Variants in MSANTD1 observed in about 807,000 individuals in gnomAD.
MSANTD1 encodes myb/SANT-like DNA-binding domain-containing protein 1.
A neutral mutation model predicts 24.2 loss-of-function variants in MSANTD1; 7 were observed. The ratio of observed to expected loss-of-function variants is 0.29; its 90% CI spans 0.16 to 0.54. The LOEUF (loss-of-function observed/expected upper bound fraction) is 0.54, where lower values mean the gene tolerates loss of function less well. Ranked by LOEUF, MSANTD1 falls within the 20% of genes least tolerant of loss-of-function variation. The probability of loss-of-function intolerance (pLI) is 0.94; values close to 1 mark genes in which losing one functional copy is unlikely to be tolerated. For synonymous variants in MSANTD1, 177 were observed against 181.1 expected, an observed-to-expected ratio of 0.98 and a Z score of 0.18; for missense variants, 384 against 408.2, an observed-to-expected ratio of 0.94 and a Z score of 0.51.
chr4:3,249,915 C>T (rs376442578), intron 1 of MSANTD1, among the ~76,000 whole-genome samples: 42 of 152,344 alleles, frequency 2.8e-4, no homozygotes, highest in Middle Eastern at 6.8e-3. Context: ...TGACCTCACA[C>T]CCTGCTCCCC....
chr4:3,253,142 C>A, intron 1 of MSANTD1, 65 bp from the exon 2 acceptor site: 1 of 1,441,172 alleles, frequency 6.9e-7, no homozygotes, highest in Non-Finnish European at 9.2e-7. Flanking sequence ...TCTGCTGAGG[C>A]TGGGCAGGAC....
rs1269269235 is a variant in MSANTD1, at chr4:3,255,851, C to T, written c.723C>T (p.Cys241=). ...TGAGCCGCGCCGTGGAGGAGACCTG[C>T]CGCGAGGTGCGCCGCGTGCTGGACC... ...RRLSRAVEET[C]REVRRVLDQQ... The change falls in exon 3 of 3, where the codon TGC becomes TGT. Residue 241 remains cysteine, a synonymous_variant. Coordinates refer to ENST00000438480, the MANE Select transcript of MSANTD1 (RefSeq NM_001042690.2). 1.3e-6 allele frequency: 2 copies of T among 1,545,262 alleles called. No individual in the cohort carries two copies. The highest frequency in any genetic ancestry group is 2.4e-5 in the South Asian group (2 of 83,952).
intron 1 of MSANTD1, among the ~76,000 whole-genome samples, chr4:3,251,909 C>T (rs1029577402): frequency 1.3e-5 from 2 of 152,272 alleles, no homozygotes; most frequent in East Asian, 1.9e-4. Context: ...GGGCACCCAG[C>T]GCCTGCCCTC....
In MSANTD1 at chr4:3,253,370, C is replaced by T; in HGVS notation, c.484C>T (p.Pro162Ser). 1 of 1,611,324 alleles carries T rather than the reference C, an allele frequency of 6.2e-7. No individual in the cohort carries two copies. Among genetic ancestry groups the T allele is most frequent in the Non-Finnish European group, 8.5e-7 (1 of 1,178,888 alleles). Residue 162 changes from proline (P) to serine (S), a missense_variant, in exon 2 of 3, where the codon CCG (proline) becomes TCG (serine). Pro to Ser is a moderately conservative substitution (Grantham distance 74, BLOSUM62 -1). Coordinates refer to ENST00000438480, the MANE Select transcript of MSANTD1 (RefSeq NM_001042690.2). ...GTCCCAGACCGAGGCGTCCCTGTCG[C>T]CGCCCGCTAAGTCCACCCCTCTGTA... is the stretch of plus-strand genomic sequence containing the variant. ...STSQTEASLS[P>S]PAKSTPLYFP...
intron 1 of MSANTD1, among the ~76,000 whole-genome samples, chr4:3,250,402 C>T (rs752563688): frequency 2.0e-5 from 3 of 152,166 alleles, no homozygotes; most frequent in Non-Finnish European, 1.5e-5. Flanking sequence ...TCTTAAAGTG[C>T]GTGGGTCCCC....
Position 3,249,232 on chromosome 4 carries a change from GGGGCC to G in MSANTD1, c.19_23del (p.Pro7AlafsTer107). ...GCGGCGCCTCCCGCCCATGGTGCGT[GGGGCC>G]GGGCCGGGGCCCTCGCTGAGCGCGC... On this transcript the variant is annotated frameshift_variant, in exon 1 of 3. Transcript: ENST00000438480. LOFTEE classifies it high-confidence loss of function. 7.1e-7 allele frequency: 1 copy of G among 1,413,738 alleles called. No homozygotes were observed. The highest frequency in any genetic ancestry group is 9.2e-7 in the Non-Finnish European group (1 of 1,085,532). The allele number at this position is 1,413,738 out of a possible 1,614,324, so 87.6% of individuals were successfully genotyped here.
chr4:3,246,528 A>C, upstream of MSANTD1: 1 of 553,446 alleles, frequency 1.8e-6, no homozygotes, highest in Non-Finnish European at 3.2e-6. Flanking sequence ...GGCCCCGCCC[A>C]TGTCCCAGGT....
upstream of MSANTD1, chr4:3,246,787 G>A (rs948875189): frequency 4.5e-5 from 27 of 595,454 alleles, no homozygotes; most frequent in Middle Eastern, 7.8e-4. Flanking sequence ...TTGGAGGTCA[G>A]TGTGAGGGCT....
At chr4:3,250,816 C>T (rs1440751431) in intron 1 of MSANTD1, among the ~76,000 whole-genome samples, 1 of 152,200 alleles carries the variant, frequency 6.6e-6, no homozygotes, top group African/African-American at 2.4e-5. Context: ...ACCCCCACTG[C>T]CCCCCTCAGG....
chr4:3,244,355 C>T (rs1307768259), upstream of MSANTD1: 1 of 152,314 alleles, frequency 6.6e-6, no homozygotes, highest in African/African-American at 2.4e-5. Flanking sequence ...TGAAGCAGGT[C>T]ATCAGGCCCA....
chr4:3,252,067 A>G (rs1325544623), intron 1 of MSANTD1, among the ~76,000 whole-genome samples: 2 of 152,256 alleles, frequency 1.3e-5, no homozygotes, highest in East Asian at 1.9e-4. Flanking sequence ...CCTGGCAGGT[A>G]GCAAGAGTAG....
chr4:3,253,567 G>A, intron 2 of MSANTD1, 85 bp downstream of exon 2: 3 of 1,352,680 alleles, frequency 2.2e-6, no homozygotes, highest in Non-Finnish European at 1.9e-6. Flanking sequence ...GGCAAGGCCG[G>A]CGGCGGCGGC....
At position 3,249,261 on chromosome 4, in the gene MSANTD1, GCT is replaced by G. The variant is rs1374331797; in HGVS notation, c.45_46del (p.His16ProfsTer99). On this transcript the variant is annotated frameshift_variant, in exon 1 of 3. Transcript: ENST00000438480. LOFTEE classifies it high-confidence loss of function. ...GAGPGPSLSA[L>X]SHPTGASGMA... The stretch of plus-strand genomic sequence containing the variant: ...CCGGGCCGGGGCCCTCGCTGAGCGC[GCT>G]CTCTCACCCCACAGGCGCCTCCGGC... The G allele has an allele frequency of 6.8e-7, 1 of 1,481,292 alleles. No individual in the cohort carries two copies. Among genetic ancestry groups the G allele is most frequent in the South Asian group, 1.3e-5 (1 of 75,196 alleles). 91.8% of individuals were successfully genotyped at this position (1,481,292 alleles called of 1,614,324 possible).
intron 2 of MSANTD1, among the ~76,000 whole-genome samples, chr4:3,254,405 T>TGA (rs1250315521): frequency 1.2e-4 from 18 of 152,224 alleles, no homozygotes; most frequent in Non-Finnish European, 2.1e-4. Flanking sequence ...GCAGGAGGCC[T>TGA]GAGATTTGTG....
In MSANTD1 at chr4:3,256,265, A is replaced by C. The variant is rs568728596; in HGVS notation, c.*300A>C. The C allele has an allele frequency of 2.2e-5, 6 of 272,040 alleles. No homozygotes were observed. Among genetic ancestry groups the C allele is most frequent in the Admixed American group, 2.1e-4 (4 of 18,768 alleles). 16.9% of individuals were successfully genotyped at this position (272,040 alleles called of 1,614,324 possible). ...CTCTCCAGTGTCGTTACTATCAATG[A>C]TACTTGACGTGGCTTTGATATTAAA... is the stretch of plus-strand genomic sequence containing the variant. On this transcript the variant is annotated 3_prime_UTR_variant, in exon 3 of 3. Transcript: ENST00000438480.
Position 3,256,056 on chromosome 4 carries a change from GGCC to G in MSANTD1, c.*95_*97del. The stretch of plus-strand genomic sequence containing the variant: ...GCCACTCAGGCCAGGCGGGCAAGGG[GGCC>G]GCCCCGCGAGCGGAGACCGCCTTCC... On this transcript the variant is annotated 3_prime_UTR_variant, in exon 3 of 3. Coordinates refer to ENST00000438480, the MANE Select transcript of MSANTD1 (RefSeq NM_001042690.2). 2 of 1,384,362 alleles carry G rather than the reference GGCC, an allele frequency of 1.4e-6. No homozygotes were observed. Among genetic ancestry groups the G allele is most frequent in the Non-Finnish European group, 1.9e-6 (2 of 1,070,976 alleles). The allele number at this position is 1,384,362 out of a possible 1,614,324, so 85.8% of individuals were successfully genotyped here.
At chr4:3,254,414 T>G (rs1722324187) in intron 2 of MSANTD1, among the ~76,000 whole-genome samples, 1 of 152,220 alleles carries the variant, frequency 6.6e-6, no homozygotes, top group East Asian at 1.9e-4. Flanking sequence ...CTGAGATTTG[T>G]GGCTGTTGTT....
chr4:3,250,860 C>A (rs896002630), intron 1 of MSANTD1, among the ~76,000 whole-genome samples: 3 of 152,228 alleles, frequency 2.0e-5, no homozygotes, highest in Non-Finnish European at 4.4e-5. Flanking sequence ...CAGAAGGGAA[C>A]CCCCAGTCCC....
chr4:3,250,650 T>C (rs1482695258), intron 1 of MSANTD1, among the ~76,000 whole-genome samples: 2 of 152,140 alleles, frequency 1.3e-5, no homozygotes, highest in African/African-American at 2.4e-5. Flanking sequence ...CACCCGGCCC[T>C]GTGGGCGGCC....
Sources: gnomAD v4.1 joint callset for allele counts (sites outside exome capture counted in the v4.1 genomes callset) on GRCh38, gnomAD v4.1.1 for gene constraint, MANE v1.5 for transcripts, NCBI Gene and HGNC (gene_info 2026-07-23, HGNC 2026-07-21) for gene names.